Variants in FDFT1 observed in about 807,000 individuals in gnomAD.
FDFT1 encodes the protein squalene synthase.
Under a neutral mutation model 46.8 loss-of-function variants are expected in FDFT1, and 68 were observed. The observed-to-expected ratio is 1.45, with a 90% confidence interval of 1.19 to 1.78. The LOEUF (loss-of-function observed/expected upper bound fraction) is 1.78, where lower values mean the gene tolerates loss of function less well. FDFT1 is among the 40% of genes most tolerant of loss of function. FDFT1 has a pLI of 0.00. For missense variants in FDFT1, 928 were observed against 524.4 expected (o/e 1.77, Z -7.52); for synonymous variants, 351 against 185.1 (o/e 1.90, Z -7.28).
chr8:11,808,162 C>G lies in FDFT1; in HGVS notation c.100-632C>G, dbSNP rs554546618. 4.1e-6 allele frequency: 3 copies of G among 731,198 alleles called. No individual in the cohort carries two copies. The African/African-American group carries it at 5.6e-5, about 14-fold the overall frequency. 45.3% of individuals were successfully genotyped at this position (731,198 alleles called of 1,614,324 possible). On this transcript the variant is annotated intron_variant, in intron 1 of 7. Coordinates refer to ENST00000220584, the MANE Select transcript of FDFT1 (RefSeq NM_004462.5). ...GGATTCTTGGTAAAACTGGGCGATG[C>G]AAAGACAGATGCGTTGAGTACAAAG...
upstream of FDFT1, chr8:11,802,666 A>G: frequency 1.6e-6 from 1 of 621,126 alleles, no homozygotes. Context: ...CTGGCGGCCG[A>G]GGCCGGTTGA....
At chr8:11,796,007 C>A (rs181894478) in exon 1 of FDFT1, 1 of 152,332 alleles carries the variant, frequency 6.6e-6, no homozygotes, top group Non-Finnish European at 1.5e-5. Flanking sequence ...TCGACAGACT[C>A]TAAGGTGAAA....
chr8:11,804,146 T>G (rs1415041535), intron 1 of FDFT1, among the ~76,000 whole-genome samples: 1 of 152,232 alleles, frequency 6.6e-6, no homozygotes, highest in Non-Finnish European at 1.5e-5. Context: ...TACTTTTTAG[T>G]GGAAGAGAGA....
intron 7 of FDFT1, among the ~76,000 whole-genome samples, chr8:11,834,233 C>T (rs556317742): frequency 2.0e-5 from 3 of 152,342 alleles, no homozygotes; most frequent in African/African-American, 7.2e-5. Context: ...AGTGCAGCCC[C>T]AGGTCTTCAC....
intron 1 of FDFT1, among the ~76,000 whole-genome samples, chr8:11,805,097 T>TG (rs397939206): frequency 6.6e-6 from 1 of 151,412 alleles, no homozygotes; most frequent in Admixed American, 6.6e-5. Context: ...TAAATTTTTT[T>TG]GTAGACACAA....
chr8:11,826,111 G>C lies in FDFT1; in HGVS notation c.598G>C (p.Asp200His). ...SEFEDPLVGE[D>H]TERANSMGLF... ...GTTTGAAGACCCCTTAGTTGGTGAAGATACAGAACGTGCCAACTCTATGGG... is the reference window on the plus strand; with the variant it reads ...GTTTGAAGACCCCTTAGTTGGTGAACATACAGAACGTGCCAACTCTATGGG... Residue 200 changes from aspartate to histidine, a missense_variant, in exon 5 of 8, where the codon GAT becomes CAT. By Grantham distance (81) the Asp-to-His change is moderately conservative. Transcript: ENST00000220584. The C allele has an allele frequency of 1.2e-6, 2 of 1,610,684 alleles. No homozygotes were observed. Among genetic ancestry groups the C allele is most frequent in the East Asian group, 2.2e-5 (1 of 44,822 alleles).
At chr8:11,800,718 G>T (rs1199630129), upstream of FDFT1, among the ~76,000 whole-genome samples, 3 of 152,212 alleles carry the variant, frequency 2.0e-5, no homozygotes, top group East Asian at 5.8e-4. Flanking sequence ...ATAGCTAGCA[G>T]ATATTTAAGA....
chr8:11,813,779 G>C (rs1808056411), intron 3 of FDFT1, among the ~76,000 whole-genome samples: 1 of 152,148 alleles, frequency 6.6e-6, no homozygotes, highest in Non-Finnish European at 1.5e-5. Flanking sequence ...AATCTACTGT[G>C]TTGTGAAACA....
chr8:11,826,256 C>G (rs375806521), intron 5 of FDFT1, 41 bp downstream of exon 5: 9 of 1,395,504 alleles, frequency 6.4e-6, no homozygotes, highest in East Asian at 2.4e-5. Context: ...TAACTTTAGA[C>G]ATTCTCTGAA....
intron 5 of FDFT1, among the ~76,000 whole-genome samples, chr8:11,829,301 G>T (rs1810445712): frequency 6.6e-6 from 1 of 152,168 alleles, no homozygotes; most frequent in Non-Finnish European, 1.5e-5. Flanking sequence ...TCAACACTAT[G>T]TTTCCAGAAC....
Position 11,826,114 on chromosome 8 carries a change from A to C in FDFT1, c.601A>C (p.Thr201Pro). 6.2e-7 allele frequency: 1 copy of C among 1,610,436 alleles called. No homozygotes were observed. The highest frequency in any genetic ancestry group is 8.5e-7 in the Non-Finnish European group (1 of 1,177,210). The stretch of plus-strand genomic sequence containing the variant: ...TGAAGACCCCTTAGTTGGTGAAGAT[A>C]CAGAACGTGCCAACTCTATGGGCCT... ...EFEDPLVGED[T>P]ERANSMGLFL... is the part of the protein sequence containing the mutation. The change falls in exon 5 of 8, where the codon ACA becomes CCA. Residue 201 changes from threonine to proline, a missense_variant. Coordinates refer to ENST00000220584, the MANE Select transcript of FDFT1 (RefSeq NM_004462.5).
chr8:11,803,039 G>A (rs982286711), intron 1 of FDFT1, 108 bp downstream of exon 1: 9 of 1,481,844 alleles, frequency 6.1e-6, no homozygotes, highest in African/African-American at 2.8e-5. Context: ...CGGCGAGCAG[G>A]GCCGACGCCT....
chr8:11,834,512 T>G (rs1404696710), intron 7 of FDFT1, among the ~76,000 whole-genome samples: 1 of 152,178 alleles, frequency 6.6e-6, no homozygotes, highest in East Asian at 1.9e-4. Context: ...CCCAGGTGCC[T>G]AGCTGCTCAA....
intron 1 of FDFT1, chr8:11,808,393 G>T (rs1807175371): frequency 8.1e-7 from 1 of 1,235,060 alleles, no homozygotes; most frequent in South Asian, 4.0e-5. Flanking sequence ...GCTGCGGGGC[G>T]GGCCCGTTGT....
intron 1 of FDFT1, among the ~76,000 whole-genome samples, chr8:11,806,582 C>A (rs572580613): frequency 1.3e-5 from 2 of 152,070 alleles, no homozygotes; most frequent in South Asian, 4.2e-4. Context: ...TCTAGGGGGA[C>A]CGTGTCTTGG....
intron 4 of FDFT1, among the ~76,000 whole-genome samples, chr8:11,822,834 G>A (rs1231829929): frequency 6.6e-6 from 1 of 152,134 alleles, no homozygotes; most frequent in Non-Finnish European, 1.5e-5. Context: ...TAAAGTTGAA[G>A]TTAAAACTTC....
At chr8:11,835,497 C>G (rs1020322988) in intron 7 of FDFT1, among the ~76,000 whole-genome samples, 3 of 152,176 alleles carry the variant, frequency 2.0e-5, no homozygotes, top group Non-Finnish European at 4.4e-5. Flanking sequence ...CAAGATTTCT[C>G]TTAATTTATT....
intron 3 of FDFT1, 142 bp from the exon 4 acceptor site, chr8:11,821,608 C>CAAA: frequency 1.0e-6 from 1 of 991,806 alleles, no homozygotes. Flanking sequence ...AAAACAAAAA[C>CAAA]AAAAAAAATG....
chr8:11,803,616 A>G (rs1009212488), intron 1 of FDFT1: 39 of 547,212 alleles, frequency 7.1e-5, no homozygotes, highest in Middle Eastern at 1.5e-3. Flanking sequence ...CAAGAAAATT[A>G]TTCGTACGCG....
Sources: allele counts gnomAD v4.1 joint callset (sites outside exome capture counted in the v4.1 genomes callset), GRCh38; gene constraint gnomAD v4.1.1; transcripts MANE v1.5; gene names NCBI Gene and HGNC (gene_info 2026-07-23, HGNC 2026-07-21).